TYW1: variants seen among roughly 807,000 people sequenced by gnomAD.
TYW1 encodes S-adenosyl-L-methionine-dependent tRNA 4-demethylwyosine synthase TYW1.
TYW1 carries 46 observed loss-of-function variants against 96.2 expected under a neutral mutation model. That is an observed-to-expected ratio of 0.48 (90% CI 0.38 to 0.61). TYW1 has a LOEUF of 0.61. Among genes scored for constraint, TYW1 ranks in the 20% least tolerant of loss-of-function variants. The pLI, the probability that TYW1 is intolerant of heterozygous loss-of-function variation, is 0.00. For synonymous variants in TYW1, 274 were observed against 323.0 expected (o/e 0.85, Z 1.63); for missense variants, 684 against 909.6 (o/e 0.75, Z 3.19).
intron 3 of TYW1, among the ~76,000 whole-genome samples, chr7:67,004,580 T>G (rs1247535975): frequency 2.6e-5 from 4 of 152,226 alleles, no homozygotes; most frequent in Non-Finnish European, 4.4e-5. Context: ...CAAATAAACC[T>G]TTTTATGGTG....
chr7:67,048,063 T>C (rs1311511239), intron 7 of TYW1, among the ~76,000 whole-genome samples: 1 of 138,812 alleles, frequency 7.2e-6, no homozygotes, highest in African/African-American at 2.7e-5. Flanking sequence ...GCTCGGATTA[T>C]AGGCGTGAGC....
chr7:67,157,324 C>T (rs1799014892), intron 13 of TYW1, among the ~76,000 whole-genome samples: 2 of 152,184 alleles, frequency 1.3e-5, no homozygotes, highest in Non-Finnish European at 2.9e-5. Flanking sequence ...CTCGCTCTGT[C>T]ACCCAGGCTG....
At chr7:67,074,518 T>C (rs1205667888) in intron 10 of TYW1, among the ~76,000 whole-genome samples, 5 of 152,194 alleles carry the variant, frequency 3.3e-5, no homozygotes, top group Admixed American at 6.5e-5. Flanking sequence ...AATGAGATTT[T>C]TAGAAAGATC....
intron 13 of TYW1, among the ~76,000 whole-genome samples, chr7:67,142,967 C>T (rs572519222): frequency 6.6e-6 from 1 of 151,538 alleles, no homozygotes; most frequent in East Asian, 2.0e-4. Context: ...GCAGGAGAAT[C>T]TCTTGAACCC....
intron 13 of TYW1, among the ~76,000 whole-genome samples, chr7:67,122,165 T>C (rs1797778830): frequency 6.8e-6 from 1 of 146,174 alleles, no homozygotes; most frequent in Admixed American, 6.8e-5. Flanking sequence ...GTTTAAGTAA[T>C]AGCATTAACA....
chr7:67,040,787 T>A (rs1163316777), intron 7 of TYW1, among the ~76,000 whole-genome samples: 2 of 151,528 alleles, frequency 1.3e-5, no homozygotes, highest in Non-Finnish European at 2.9e-5. Flanking sequence ...GAGGTTGTAG[T>A]GAGCCGAGAT....
At chr7:67,148,518 C>T (rs1179324790) in intron 13 of TYW1, among the ~76,000 whole-genome samples, 10 of 151,158 alleles carry the variant, frequency 6.6e-5, no homozygotes, top group South Asian at 2.1e-4. Flanking sequence ...CTCCGCCCCC[C>T]GGGTTCACGC....
intron 13 of TYW1, among the ~76,000 whole-genome samples, chr7:67,120,319 G>A (rs1797724217): frequency 6.6e-6 from 1 of 152,050 alleles, no homozygotes; most frequent in African/African-American, 2.4e-5. Context: ...CTGACCTCAA[G>A]TGATCCGCCT....
chr7:67,151,607 AT>A (rs1251598339), intron 13 of TYW1, among the ~76,000 whole-genome samples: 1 of 152,178 alleles, frequency 6.6e-6, no homozygotes, highest in African/African-American at 2.4e-5. Flanking sequence ...CAGTAGCAGG[AT>A]TTTGCAAACA....
chr7:67,203,636 A>G (rs1231003104), intron 15 of TYW1, among the ~76,000 whole-genome samples: 4 of 152,282 alleles, frequency 2.6e-5, no homozygotes, highest in African/African-American at 7.2e-5. Context: ...GCATCATATT[A>G]CAATTTTTGC....
rs1793938042 is a variant in TYW1 at position 67,014,457 on chromosome 7, G to C, written c.466G>C (p.Glu156Gln). The part of the protein sequence containing the change: ...ESAEWFCKWL[E>Q]EASIDFRFGK... Reference sequence around the variant, plus strand: ...TGCAGAGTGGTTCTGCAAATGGTTAGAGGAAGCATCCATTGATTTTCGATT... The same window carrying C: ...TGCAGAGTGGTTCTGCAAATGGTTACAGGAAGCATCCATTGATTTTCGATT... Residue 156 changes from glutamate (E) to glutamine (Q), a missense_variant, in exon 5 of 16, where the codon GAG becomes CAG. Physicochemically the swap from Glu to Gln is conservative, Grantham distance 29. Transcript: ENST00000359626. 2 of 1,613,858 alleles carry C rather than the reference G, an allele frequency of 1.2e-6. No homozygotes were observed. Among genetic ancestry groups the C allele is most frequent in the Non-Finnish European group, 1.7e-6 (2 of 1,179,880 alleles).
Position 67,095,003 on chromosome 7 carries a change from A to AT in TYW1, c.1385-3526dup, listed in dbSNP as rs71049498. Among the ~76,000 whole-genome samples, 633 of 145,720 alleles carry AT rather than the reference A, an allele frequency of 4.3e-3. 8 individuals carry two copies. The highest frequency in any genetic ancestry group is 0.014 in the African/African-American group (547 of 39,802). On this transcript the variant is annotated intron_variant, in intron 11 of 15. Transcript: ENST00000359626. ...GTGAAAATGCTGTATAAACTGCATGATTTTTTTTTTTTCCAGACAGGGTCT... is the reference window on the plus strand; with the variant it reads ...GTGAAAATGCTGTATAAACTGCATGATTTTTTTTTTTTTCCAGACAGGGTCT...
chr7:67,157,890 T>G (rs56319050), intron 13 of TYW1, among the ~76,000 whole-genome samples: 5,795 of 152,194 alleles, frequency 0.038, 301 homozygotes, highest in East Asian at 0.16. Context: ...CAGAGAGCTG[T>G]AATAAAATTT....
chr7:67,031,866 A>G (rs1161469067), intron 7 of TYW1, among the ~76,000 whole-genome samples: 6 of 151,798 alleles, frequency 4.0e-5, no homozygotes, highest in Non-Finnish European at 8.8e-5. Context: ...ATTTAGCATC[A>G]TCATTTCTAC....
intron 13 of TYW1, among the ~76,000 whole-genome samples, chr7:67,139,722 T>A (rs1037774105): frequency 6.5e-5 from 9 of 138,058 alleles, no homozygotes; most frequent in African/African-American, 2.5e-4. Flanking sequence ...CATACCTGTG[T>A]ATACAGGTGT....
chr7:67,119,530 G>T (rs977959292), intron 13 of TYW1, among the ~76,000 whole-genome samples: 73 of 152,248 alleles, frequency 4.8e-4, no homozygotes, highest in African/African-American at 1.7e-3. Context: ...GATTTTGGAA[G>T]GAATGTTCTT....
At chr7:67,129,434 A>G (rs143364770) in intron 13 of TYW1, among the ~76,000 whole-genome samples, 240 of 152,266 alleles carry the variant, frequency 1.6e-3, no homozygotes, top group African/African-American at 5.5e-3. Flanking sequence ...CTGAGCCTCC[A>G]GCACTTTGTC....
chr7:67,137,743 A>AT (rs61334600), intron 13 of TYW1, among the ~76,000 whole-genome samples: 42,027 of 151,950 alleles, frequency 0.28, 6,642 homozygotes, highest in African/African-American at 0.44. Context: ...ATTAAAAAAA[A>AT]ATTTGAGGTG....
intron 15 of TYW1, among the ~76,000 whole-genome samples, chr7:67,231,544 G>A (rs182374106): frequency 5.3e-5 from 8 of 152,244 alleles, no homozygotes; most frequent in African/African-American, 1.4e-4. Flanking sequence ...TTCTCCCTAC[G>A]CATTTGATTT....
Sources: allele counts gnomAD v4.1 joint callset (sites outside exome capture counted in the v4.1 genomes callset), GRCh38; gene constraint gnomAD v4.1.1; transcripts MANE v1.5; gene names NCBI Gene and HGNC (gene_info 2026-07-23, HGNC 2026-07-21).